Variants in MPHOSPH9 observed in about 807,000 individuals in gnomAD.
MPHOSPH9 encodes the protein M-phase phosphoprotein 9.
Under a neutral mutation model 145.5 loss-of-function variants are expected in MPHOSPH9, and 88 were observed. That is an observed-to-expected ratio of 0.60 (90% CI 0.51 to 0.72). The LOEUF is 0.72. Ranked by LOEUF, MPHOSPH9 falls within the 30% of genes least tolerant of loss-of-function variation. The pLI, the probability that MPHOSPH9 is intolerant of heterozygous loss-of-function variation, is 0.00. For missense variants in MPHOSPH9, 1,238 were observed against 1,386.6 expected, an observed-to-expected ratio of 0.89 and a Z score of 1.70; for synonymous variants, 435 against 486.2, an observed-to-expected ratio of 0.89 and a Z score of 1.39.
chr12:123,163,110 G>T lies in MPHOSPH9; in HGVS notation c.2933C>A (p.Pro978Gln). The T allele has an allele frequency of 6.3e-7, 1 of 1,586,544 alleles. No homozygotes were observed. Among genetic ancestry groups the T allele is most frequent in the South Asian group, 1.2e-5 (1 of 84,564 alleles). Residue 978 changes from proline (P) to glutamine (Q), a missense_variant, in exon 20 of 24, where the codon CCA becomes CAA. Physicochemically the swap from Pro to Gln is moderately conservative, Grantham distance 76 (BLOSUM62 -1). This residue lies in a region of MPHOSPH9 where 393 missense variants were observed against 462.5 expected (regional missense o/e 0.85). Coordinates refer to ENST00000606320, the MANE Select transcript of MPHOSPH9 (RefSeq NM_022782.4). ...CTTTGGACTATAAGCCACAGTCACT[G>T]GTGTTAGCATAATCTCTCTTTTTGC... ...TPTKREIMLT[P>Q]VTVAYSPKRS...
chr12:123,224,919 G>C (rs2138636306), intron 3 of MPHOSPH9, among the ~76,000 whole-genome samples: 1 of 152,294 alleles, frequency 6.6e-6, no homozygotes, highest in East Asian at 1.9e-4. Flanking sequence ...TGAATTCACA[G>C]TGAGTACATA....
intron 8 of MPHOSPH9, among the ~76,000 whole-genome samples, chr12:123,209,554 C>T (rs553375876): frequency 3.3e-5 from 5 of 151,908 alleles, no homozygotes; most frequent in East Asian, 2.0e-4. Context: ...TGAACAGGCA[C>T]ACGCCACCAA....
intron 7 of MPHOSPH9, 41 bp downstream of exon 7, chr12:123,214,703 T>G: frequency 6.8e-7 from 1 of 1,463,480 alleles, no homozygotes; most frequent in Non-Finnish European, 9.5e-7. Flanking sequence ...TCTGAGTGTA[T>G]GTAGTTTAGG....
At position 123,181,296 on chromosome 12, in the gene MPHOSPH9, T is replaced by C. The variant is rs1593115396; in HGVS notation, c.2242-86A>G. ...GTACAGTCTACAAAATAACTGCCTA[T>C]AGCCTTCAAAAATGCCAATGTCATG... On this transcript the variant is annotated intron_variant, in intron 13 of 23. Coordinates refer to ENST00000606320, the MANE Select transcript of MPHOSPH9 (RefSeq NM_022782.4). The C allele has an allele frequency of 3.9e-5, 45 of 1,144,422 alleles. No homozygotes were observed. The East Asian group carries it at 1.0e-3, about 26-fold the overall frequency. 70.9% of individuals were successfully genotyped at this position (1,144,422 alleles called of 1,614,324 possible).
At chr12:123,230,602 C>T (rs938008119) in intron 1 of MPHOSPH9, 80 bp from the exon 2 acceptor site, 2 of 368,436 alleles carry the variant, frequency 5.4e-6, no homozygotes, top group East Asian at 1.0e-4. Flanking sequence ...CTTTGGAAAC[C>T]TTAACTGCTT....
chr12:123,170,266 G>A (rs958945361), intron 16 of MPHOSPH9, among the ~76,000 whole-genome samples: 6 of 151,772 alleles, frequency 4.0e-5, no homozygotes, highest in Admixed American at 6.6e-5. Flanking sequence ...CCTCAGCCCT[G>A]TGAGTAGCTG....
intron 13 of MPHOSPH9, among the ~76,000 whole-genome samples, chr12:123,192,066 A>G (rs984234737): frequency 6.6e-6 from 1 of 152,124 alleles, no homozygotes; most frequent in Non-Finnish European, 1.5e-5. Flanking sequence ...TGCAGAAGGA[A>G]TACAGAATTA....
chr12:123,169,375 T>C (rs1488551181), intron 16 of MPHOSPH9, among the ~76,000 whole-genome samples: 1 of 151,324 alleles, frequency 6.6e-6, no homozygotes, highest in South Asian at 2.1e-4. Flanking sequence ...GACGGGCACC[T>C]GTAGTCCCAG....
chr12:123,222,966 G>A, intron 4 of MPHOSPH9, 72 bp downstream of exon 4: 2 of 719,264 alleles, frequency 2.8e-6, no homozygotes, highest in South Asian at 1.9e-5. Flanking sequence ...ATATATATGT[G>A]TGTGTGTGTG....
At chr12:123,197,026 T>G (rs1260366669) in intron 12 of MPHOSPH9, among the ~76,000 whole-genome samples, 18 of 111,986 alleles carry the variant, frequency 1.6e-4, no homozygotes, top group South Asian at 3.2e-4. Flanking sequence ...GGTTAAGGGG[T>G]GTGGGTTTTT....
intron 23 of MPHOSPH9, among the ~76,000 whole-genome samples, chr12:123,157,681 C>T (rs573279197): frequency 1.3e-5 from 2 of 152,002 alleles, no homozygotes; most frequent in Admixed American, 1.3e-4. Context: ...GAGACAAGAT[C>T]TCACTATGTC....
At chr12:123,162,939 C>T (rs2044167624) in intron 20 of MPHOSPH9, 75 bp downstream of exon 20, 2 of 1,373,738 alleles carry the variant, frequency 1.5e-6, no homozygotes, top group Non-Finnish European at 1.9e-6. Context: ...TTAGTGATAG[C>T]TAGAGACATA....
intron 12 of MPHOSPH9, among the ~76,000 whole-genome samples, chr12:123,197,812 A>G (rs1445488226): frequency 1.4e-4 from 20 of 146,234 alleles, no homozygotes; most frequent in Non-Finnish European, 2.3e-4. Context: ...AAAAGGGTGC[A>G]GTGGCTCACG....
rs2046096534 is a variant in MPHOSPH9, at chr12:123,198,927, A to G, written c.1938-593T>C. On this transcript the variant is annotated intron_variant, in intron 11 of 23. Coordinates refer to ENST00000606320, the MANE Select transcript of MPHOSPH9 (RefSeq NM_022782.4). ...AAAAAATCTGTATCTATATATATGC[A>G]TTATGATTTCTGGAAAAATGCAAAA... Among the ~76,000 whole-genome samples the G allele has an allele frequency of 2.0e-5, 3 of 151,774 alleles. No homozygotes were observed. The South Asian group carries it at 6.2e-4, about 31-fold the overall frequency.
At chr12:123,241,053 G>A (rs943098753) in intron 1 of MPHOSPH9, among the ~76,000 whole-genome samples, 10 of 150,868 alleles carry the variant, frequency 6.6e-5, no homozygotes, top group African/African-American at 2.4e-4. Context: ...CGAAATGAAA[G>A]GCATTACCAT....
intron 13 of MPHOSPH9, among the ~76,000 whole-genome samples, chr12:123,184,184 T>C (rs1351253147): frequency 6.6e-6 from 1 of 151,978 alleles, no homozygotes; most frequent in Non-Finnish European, 1.5e-5. Context: ...CCAGTCTCGG[T>C]GACAAGGTGA....
At chr12:123,233,224 C>T (rs929490779), upstream of MPHOSPH9, 1 of 152,316 alleles carries the variant, frequency 6.6e-6, no homozygotes, top group South Asian at 2.1e-4. Flanking sequence ...GCGCGTCCAC[C>T]TCGCCGTTCC....
intron 17 of MPHOSPH9, 135 bp from the exon 18 acceptor site, chr12:123,165,612 G>T: frequency 3.9e-6 from 3 of 776,628 alleles, no homozygotes; most frequent in Non-Finnish European, 6.1e-6. Flanking sequence ...TCTTTACGAG[G>T]TAATTAGGGT....
chr12:123,180,126 A>G (rs2045060120), intron 14 of MPHOSPH9, 136 bp from the exon 15 acceptor site: 2 of 504,366 alleles, frequency 4.0e-6, no homozygotes, highest in Non-Finnish European at 6.9e-6. Flanking sequence ...GGCATCAACC[A>G]TACAGCCAGG....
Sources: allele counts gnomAD v4.1 joint callset (sites outside exome capture counted in the v4.1 genomes callset), GRCh38; gene constraint gnomAD v4.1.1; regional missense constraint gnomAD v4.1.1; transcripts MANE v1.5; gene names NCBI Gene and HGNC (gene_info 2026-07-23, HGNC 2026-07-21).